Variants in NHSL2 observed in about 807,000 individuals in gnomAD.
NHSL2 encodes the protein NHS-like protein 2.
Under a neutral mutation model 53.4 loss-of-function variants are expected in NHSL2, and 27 were observed. The ratio of observed to expected loss-of-function variants is 0.51; its 90% CI spans 0.37 to 0.70. The LOEUF (loss-of-function observed/expected upper bound fraction) is 0.70. Ranked by LOEUF, NHSL2 falls within the 30% of genes least tolerant of loss-of-function variation. The pLI is 0.00. For synonymous variants in NHSL2, 408 were observed against 404.1 expected (o/e 1.01, Z -0.12); for missense variants, 892 against 980.1 (o/e 0.91, Z 1.20).
intron 1 of NHSL2, among the ~76,000 whole-genome samples, chrX:71,942,261 C>G (rs2041769660): frequency 8.9e-6 from 1 of 112,309 alleles, no homozygotes; most frequent in Non-Finnish European, 1.9e-5. Flanking sequence ...ACCAACCCCT[C>G]CCCAGGCACC....
At chrX:72,002,856 G>A (rs1034731652) in intron 1 of NHSL2, among the ~76,000 whole-genome samples, 1 of 110,967 alleles carries the variant, frequency 9.0e-6, no homozygotes, top group Non-Finnish European at 1.9e-5. Flanking sequence ...ACTTATTTTT[G>A]GACTATCAGG....
intron 1 of NHSL2, among the ~76,000 whole-genome samples, chrX:71,965,245 C>T (rs184237271): frequency 8.9e-6 from 1 of 112,348 alleles, no homozygotes; most frequent in Non-Finnish European, 1.9e-5. Flanking sequence ...TATAGTTTTG[C>T]ATTTTACATT....
chrX:72,132,365 A>G, intron 2 of NHSL2, 131 bp downstream of exon 2: 1 of 624,152 alleles, frequency 1.6e-6, no homozygotes, highest in East Asian at 4.0e-5. Flanking sequence ...TCGACAAAGC[A>G]GTTTCCAGCT....
intron 1 of NHSL2, among the ~76,000 whole-genome samples, chrX:71,956,977 C>A (rs1340949023): frequency 9.0e-6 from 1 of 111,660 alleles, no homozygotes; most frequent in African/African-American, 3.3e-5. Context: ...GCTCCCCTGC[C>A]CTCCTAAATC....
At chrX:72,022,460 C>T (rs1306044827) in intron 1 of NHSL2, among the ~76,000 whole-genome samples, 1 of 111,114 alleles carries the variant, frequency 9.0e-6, no homozygotes, top group Non-Finnish European at 1.9e-5. Flanking sequence ...GATCACTGCA[C>T]CCATAGATCC....
chrX:72,138,510 T>C lies in NHSL2; in HGVS notation c.962T>C (p.Val321Ala). ...TCCGACATCAGGCCCAGTCACTCAGTTCCAGAAGGGGTTCATGGAAGAGTT... is the reference window on the plus strand; with the variant it reads ...TCCGACATCAGGCCCAGTCACTCAGCTCCAGAAGGGGTTCATGGAAGAGTT... The part of the protein sequence containing the change: ...TTSDIRPSHS[V>A]PEGVHGRVAV... The change falls in exon 6 of 8, where the codon GTT becomes GCT. Residue 321 changes from valine to alanine, a missense_variant. Val to Ala is a moderately conservative substitution (Grantham distance 64). Coordinates refer to ENST00000633930, the MANE Select transcript of NHSL2 (RefSeq NM_001013627.3). The C allele has an allele frequency of 1.7e-6, 2 of 1,165,858 alleles. No homozygotes were observed. Among genetic ancestry groups the C allele is most frequent in the Non-Finnish European group, 2.3e-6 (2 of 871,375 alleles).
intron 1 of NHSL2, among the ~76,000 whole-genome samples, chrX:72,061,152 A>G (rs1379323251): frequency 8.9e-6 from 1 of 112,609 alleles, no homozygotes; most frequent in East Asian, 2.8e-4. Flanking sequence ...AATCACTCAC[A>G]TACCCTTGGC....
At chrX:71,917,217 G>A (rs2041632571) in intron 1 of NHSL2, among the ~76,000 whole-genome samples, 1 of 108,638 alleles carries the variant, frequency 9.2e-6, no homozygotes, top group Non-Finnish European at 1.9e-5. Flanking sequence ...GGAGGTTTGA[G>A]CAATTAGGCA....
rs768617123 is a variant in NHSL2, at chrX:72,068,183, C to T, written c.281-63896C>T. Among the ~76,000 whole-genome samples the T allele has an allele frequency of 1.1e-4, 12 of 112,289 alleles. No individual in the cohort carries two copies. In the South Asian group the frequency reaches 4.1e-3, roughly 38 times the overall value. On this transcript the variant is annotated intron_variant, in intron 1 of 7. Transcript: ENST00000633930. The stretch of plus-strand genomic sequence containing the variant: ...ATGACTGGCACCTCTATCTCCCCAA[C>T]GCTCACACAGAGCCTGGCCAGAGCA...
intron 1 of NHSL2, among the ~76,000 whole-genome samples, chrX:72,039,060 T>C (rs1410159332): frequency 1.9e-5 from 2 of 102,612 alleles, no homozygotes; most frequent in East Asian, 3.0e-4. Context: ...CCTTCCCTTC[T>C]CTTTTCTTTT....
chrX:72,078,313 T>C (rs180751746), intron 1 of NHSL2, among the ~76,000 whole-genome samples: 2 of 112,499 alleles, frequency 1.8e-5, no homozygotes, highest in Admixed American at 9.3e-5. Flanking sequence ...GGTGCAATGG[T>C]TCTCCACCTG....
intron 1 of NHSL2, among the ~76,000 whole-genome samples, chrX:71,964,480 C>G (rs933956900): frequency 3.6e-5 from 4 of 111,206 alleles, no homozygotes; most frequent in African/African-American, 9.8e-5. Context: ...TGACAGGGCT[C>G]TCTTTGACTG....
chrX:72,070,787 C>A (rs7474327), intron 1 of NHSL2, among the ~76,000 whole-genome samples: 16 of 110,283 alleles, frequency 1.5e-4, no homozygotes, highest in East Asian at 1.4e-3. Context: ...ACACAGAGTC[C>A]AGGAGGAGCC....
chrX:72,032,410 T>C (rs1421760469), intron 1 of NHSL2, among the ~76,000 whole-genome samples: 1 of 107,640 alleles, frequency 9.3e-6, no homozygotes, highest in Non-Finnish European at 1.9e-5. Context: ...GTAATAATAA[T>C]AATAAAAAGG....
intron 1 of NHSL2, among the ~76,000 whole-genome samples, chrX:71,917,282 C>G (rs1256345442): frequency 1.2e-5 from 1 of 85,288 alleles, no homozygotes; most frequent in Non-Finnish European, 2.3e-5. Context: ...CCCTCCCTCC[C>G]TCCTTTCCTC....
At chrX:71,987,811 C>T (rs999182653) in intron 1 of NHSL2, among the ~76,000 whole-genome samples, 28 of 112,416 alleles carry the variant, frequency 2.5e-4, no homozygotes, top group African/African-American at 8.4e-4. Context: ...CAGGCCACCA[C>T]GGTGAAGACA....
At chrX:71,976,304 T>C (rs1188396490) in intron 1 of NHSL2, among the ~76,000 whole-genome samples, 1 of 112,319 alleles carries the variant, frequency 8.9e-6, no homozygotes, top group African/African-American at 3.2e-5. Flanking sequence ...TCTGAATCTC[T>C]GTTTCCTTAC....
chrX:71,926,261 C>T (rs2041684586), intron 1 of NHSL2, among the ~76,000 whole-genome samples: 1 of 111,964 alleles, frequency 8.9e-6, no homozygotes, highest in African/African-American at 3.2e-5. Flanking sequence ...AACTGACCTG[C>T]CCACAGTGGC....
At chrX:71,991,340 G>A (rs1296594051) in intron 1 of NHSL2, among the ~76,000 whole-genome samples, 1 of 112,431 alleles carries the variant, frequency 8.9e-6, no homozygotes, top group Non-Finnish European at 1.9e-5. Context: ...CTTGGATTAG[G>A]TGGTGTTTAC....
Sources: allele counts gnomAD v4.1 joint callset (sites outside exome capture counted in the v4.1 genomes callset), GRCh38; gene constraint gnomAD v4.1.1; transcripts MANE v1.5; gene names NCBI Gene and HGNC (gene_info 2026-07-23, HGNC 2026-07-21).